NAV3: variants seen among roughly 807,000 people sequenced by gnomAD.
NAV3 encodes pore membrane and/or filament interacting like protein 1.
In NAV3, 87 loss-of-function variants were observed where a neutral mutation model predicts 244.7. The ratio of observed to expected loss-of-function variants is 0.36; its 90% CI spans 0.30 to 0.42. NAV3 has a LOEUF of 0.42. Among genes scored for constraint, NAV3 ranks in the 20% least tolerant of loss-of-function variants. The pLI is 1.00. For synonymous variants in NAV3, 1,126 were observed against 1,042.2 expected (o/e 1.08, Z -1.55); for missense variants, 2,663 against 2,893.3 (o/e 0.92, Z 1.83).
intron 2 of NAV3, among the ~76,000 whole-genome samples, chr12:77,752,232 G>A (rs1344864552): frequency 1.3e-5 from 2 of 152,064 alleles, no homozygotes; most frequent in African/African-American, 2.4e-5. Flanking sequence ...ATTTAAACTT[G>A]GCACGGATCC....
At chr12:77,652,992 G>A (rs1469082140) in intron 2 of NAV3, among the ~76,000 whole-genome samples, 1 of 152,198 alleles carries the variant, frequency 6.6e-6, no homozygotes, top group Admixed American at 6.5e-5. Context: ...GATGTTAATA[G>A]GGTTATGTGG....
intron 8 of NAV3, among the ~76,000 whole-genome samples, chr12:78,014,190 T>C (rs1464003170): frequency 1.3e-5 from 2 of 151,970 alleles, no homozygotes; most frequent in African/African-American, 2.4e-5. Flanking sequence ...TCCAACAAAG[T>C]TTTGAAATAA....
At chr12:77,671,933 C>CAAAA (rs1195418997) in intron 2 of NAV3, among the ~76,000 whole-genome samples, 1 of 152,080 alleles carries the variant, frequency 6.6e-6, no homozygotes, top group African/African-American at 2.4e-5. Flanking sequence ...AAAGCTTCTG[C>CAAAA]ACAGCAAAAT....
At chr12:78,054,169 T>G (rs1593407415) in intron 11 of NAV3, among the ~76,000 whole-genome samples, 1 of 152,176 alleles carries the variant, frequency 6.6e-6, no homozygotes, top group South Asian at 2.1e-4. Flanking sequence ...TTTTTCTGAT[T>G]TAAGAGCTAT....
At chr12:77,752,647 T>C (rs1448628979) in intron 2 of NAV3, among the ~76,000 whole-genome samples, 1 of 152,172 alleles carries the variant, frequency 6.6e-6, no homozygotes, top group Non-Finnish European at 1.5e-5. Context: ...CTCATATGTC[T>C]AGGCAGGTTA....
At chr12:77,629,117 C>G (rs978811579) in intron 2 of NAV3, among the ~76,000 whole-genome samples, 2 of 152,004 alleles carry the variant, frequency 1.3e-5, no homozygotes, top group African/African-American at 4.8e-5. Context: ...ATCTGTAATA[C>G]TTCATAACAA....
chr12:77,793,019 T>A (rs1354671470), intron 2 of NAV3, among the ~76,000 whole-genome samples: 1 of 152,162 alleles, frequency 6.6e-6, no homozygotes, highest in African/African-American at 2.4e-5. Flanking sequence ...CGTGCTTAGT[T>A]ATCCCAGGAA....
rs2138695548 is a variant in NAV3, at chr12:78,122,229, G to T, written c.4039G>T (p.Ala1347Ser). 6.2e-7 allele frequency: 1 copy of T among 1,614,098 alleles called. No homozygotes were observed. Among genetic ancestry groups the T allele is most frequent in the South Asian group, 1.1e-5 (1 of 91,080 alleles). The change falls in exon 16 of 40, where the codon GCT (alanine) becomes TCT (serine). Residue 1347 changes from alanine to serine, a missense_variant. Physicochemically the swap from Ala to Ser is moderately conservative, Grantham distance 99. Transcript: ENST00000397909. ...TTTCACATCAGGTGGTCTCGTGTGG[G>T]CTGCCAATATGAGCAGTTCCTCTGC... ...HSFTSGGLVW[A>S]ANMSSSSAGS...
chr12:77,805,485 G>A (rs1264530234), intron 2 of NAV3, among the ~76,000 whole-genome samples: 2 of 152,216 alleles, frequency 1.3e-5, no homozygotes, highest in Non-Finnish European at 2.9e-5. Flanking sequence ...ATTTGCATAT[G>A]TTGAACCAGC....
chr12:78,124,038 T>TAACCA (rs1346233581), intron 16 of NAV3, among the ~76,000 whole-genome samples: 2 of 152,226 alleles, frequency 1.3e-5, no homozygotes, highest in African/African-American at 4.8e-5. Context: ...ATCAACTTGA[T>TAACCA]AACCAAACCA....
chr12:77,574,418 A>G (rs1235616446), intron 2 of NAV3, among the ~76,000 whole-genome samples: 2 of 152,306 alleles, frequency 1.3e-5, no homozygotes, highest in South Asian at 2.1e-4. Context: ...AGGTAACATC[A>G]TAAATCTTTG....
chr12:78,190,495 C>T (rs1001906243), intron 34 of NAV3, among the ~76,000 whole-genome samples: 3 of 151,984 alleles, frequency 2.0e-5, no homozygotes, highest in Admixed American at 6.6e-5. Flanking sequence ...TTCTCTTAGA[C>T]ATCCACCTAG....
chr12:77,858,166 G>T (rs1452888484), intron 1 of NAV3, among the ~76,000 whole-genome samples: 3 of 151,894 alleles, frequency 2.0e-5, no homozygotes, highest in Non-Finnish European at 4.4e-5. Context: ...AAACACAATC[G>T]CTTATAATAT....
chr12:77,741,480 C>A (rs1249889365), intron 2 of NAV3, among the ~76,000 whole-genome samples: 1 of 151,970 alleles, frequency 6.6e-6, no homozygotes. Flanking sequence ...TATTTGATAT[C>A]TTGACAACAG....
At chr12:77,595,657 A>C (rs1268794882) in intron 2 of NAV3, among the ~76,000 whole-genome samples, 1 of 152,116 alleles carries the variant, frequency 6.6e-6, no homozygotes, top group African/African-American at 2.4e-5. Flanking sequence ...AATATATATA[A>C]TTTTCATTAC....
At chr12:77,637,435 C>T (rs1872206880) in intron 2 of NAV3, among the ~76,000 whole-genome samples, 1 of 151,850 alleles carries the variant, frequency 6.6e-6, no homozygotes, top group Admixed American at 6.6e-5. Context: ...ATTTCTAATA[C>T]TGAAACATAA....
intron 9 of NAV3, among the ~76,000 whole-genome samples, chr12:78,039,286 A>C (rs1199643370): frequency 6.6e-6 from 1 of 152,080 alleles, no homozygotes; most frequent in Non-Finnish European, 1.5e-5. Context: ...ACGACTCAAA[A>C]TGGCCTCTTC....
At chr12:77,714,920 G>A (rs531362923) in intron 2 of NAV3, among the ~76,000 whole-genome samples, 3 of 152,072 alleles carry the variant, frequency 2.0e-5, no homozygotes, top group South Asian at 4.1e-4. Context: ...TTAGATTCAC[G>A]AAGTACCTTT....
chr12:77,767,506 G>A (rs1732732394), intron 2 of NAV3, among the ~76,000 whole-genome samples: 1 of 152,198 alleles, frequency 6.6e-6, no homozygotes, highest in Non-Finnish European at 1.5e-5. Context: ...TGGAGCCAGG[G>A]ATGGAGTGGC....
Sources: gnomAD v4.1 joint callset for allele counts (sites outside exome capture counted in the v4.1 genomes callset) on GRCh38, gnomAD v4.1.1 for gene constraint, MANE v1.5 for transcripts, NCBI Gene and HGNC (gene_info 2026-07-23, HGNC 2026-07-21) for gene names.